IKZF2: variants seen among roughly 807,000 people sequenced by gnomAD.
The protein encoded by IKZF2 is zinc finger protein Helios.
In IKZF2, 15 loss-of-function variants were observed where a neutral mutation model predicts 49.2. That is an observed-to-expected ratio of 0.30 (90% confidence interval 0.20 to 0.47). The LOEUF is 0.47. Ranked by LOEUF, IKZF2 falls within the 20% of genes least tolerant of loss-of-function variation. The pLI, the probability that IKZF2 is intolerant of heterozygous loss-of-function variation, is 1.00. For synonymous variants in IKZF2, 227 were observed against 221.4 expected, an observed-to-expected ratio of 1.03 and a Z score of -0.23; for missense variants, 567 against 664.6, an observed-to-expected ratio of 0.85 and a Z score of 1.61.
chr2:213,138,261 C>G (rs2060747093), intron 4 of IKZF2, among the ~76,000 whole-genome samples: 1 of 151,998 alleles, frequency 6.6e-6, no homozygotes, highest in Non-Finnish European at 1.5e-5. Context: ...ATGGAAACAT[C>G]TACATTAACA....
chr2:213,063,762 G>A (rs545697526), intron 4 of IKZF2, among the ~76,000 whole-genome samples: 4 of 151,952 alleles, frequency 2.6e-5, no homozygotes, highest in South Asian at 2.1e-4. Flanking sequence ...CTTTTGACTC[G>A]TAGCCTATCC....
chr2:213,100,918 C>G (rs73077277), intron 4 of IKZF2, among the ~76,000 whole-genome samples: 1,703 of 151,946 alleles, frequency 0.011, 32 homozygotes, highest in African/African-American at 0.039. Flanking sequence ...TTTTCTAGTG[C>G]TTTATGATTT....
chr2:213,007,192 T>C lies in IKZF2; in HGVS notation c.*168A>G. ...TCTTCTGTTTCTTCCTTATCGTAAT[T>C]AGGCAGAGCAAATGACACTGCCTCC... On this transcript the variant is annotated 3_prime_UTR_variant, in exon 9 of 9. Coordinates refer to ENST00000434687, the MANE Select transcript of IKZF2 (RefSeq NM_001387220.1). 1.5e-6 allele frequency: 1 copy of C among 671,118 alleles called. No individual in the cohort carries two copies. The highest frequency in any genetic ancestry group is 2.4e-6 in the Non-Finnish European group (1 of 416,800). 41.6% of individuals were successfully genotyped at this position (671,118 alleles called of 1,614,324 possible).
At chr2:213,101,717 T>C (rs1434085829) in intron 4 of IKZF2, among the ~76,000 whole-genome samples, 1 of 152,190 alleles carries the variant, frequency 6.6e-6, no homozygotes, top group Admixed American at 6.6e-5. Flanking sequence ...CTTAAGAGTA[T>C]TTTTAATCAG....
intron 6 of IKZF2, among the ~76,000 whole-genome samples, chr2:213,034,844 G>C (rs1474039359): frequency 6.6e-6 from 1 of 152,114 alleles, no homozygotes; most frequent in Admixed American, 6.5e-5. Context: ...CTTTCAATTT[G>C]TAAAAAACGC....
At chr2:213,043,746 T>A (rs1397157646) in intron 6 of IKZF2, among the ~76,000 whole-genome samples, 1 of 152,112 alleles carries the variant, frequency 6.6e-6, no homozygotes, top group Non-Finnish European at 1.5e-5. Context: ...CCTATGAGAA[T>A]CTAATGCTGT....
chr2:213,054,882 A>G (rs943672805), intron 5 of IKZF2, among the ~76,000 whole-genome samples: 1 of 152,134 alleles, frequency 6.6e-6, no homozygotes, highest in African/African-American at 2.4e-5. Context: ...CAACTCTACC[A>G]CACTAGTAAA....
chr2:213,094,493 C>T (rs1272698226), intron 4 of IKZF2, among the ~76,000 whole-genome samples: 1 of 152,076 alleles, frequency 6.6e-6, no homozygotes, highest in Admixed American at 6.6e-5. Context: ...AGGGTACCAT[C>T]TTTCCTGGAA....
intron 4 of IKZF2, among the ~76,000 whole-genome samples, chr2:213,063,655 A>T (rs1701909101): frequency 6.6e-6 from 1 of 152,050 alleles, no homozygotes; most frequent in Non-Finnish European, 1.5e-5. Context: ...ACTGCATTGT[A>T]GGAAGGGTAG....
At chr2:213,033,684 A>G (rs1409988226) in intron 6 of IKZF2, among the ~76,000 whole-genome samples, 2 of 152,222 alleles carry the variant, frequency 1.3e-5, no homozygotes, top group African/African-American at 4.8e-5. Context: ...ACTAAACCAT[A>G]TTGTAAACAA....
chr2:213,035,314 C>G (rs575547878), intron 6 of IKZF2, among the ~76,000 whole-genome samples: 2 of 151,830 alleles, frequency 1.3e-5, no homozygotes, highest in Non-Finnish European at 2.9e-5. Flanking sequence ...TTAACTGATT[C>G]TTGCCCGTCT....
At chr2:213,045,176 A>G (rs557236949) in intron 6 of IKZF2, among the ~76,000 whole-genome samples, 1 of 152,320 alleles carries the variant, frequency 6.6e-6, no homozygotes, top group Non-Finnish European at 1.5e-5. Context: ...TGAAACCATC[A>G]GAAAACTGAA....
Position 213,007,761 on chromosome 2 carries a change from G to T in IKZF2, c.1180C>A (p.Gln394Lys). Residue 394 changes from glutamine to lysine, a missense_variant, in exon 9 of 9, where the codon CAG becomes AAG. Around this residue, in one of 5 missense-constraint regions of IKZF2, gnomAD observed 310 missense variants for 326.9 expected, o/e 0.95. Transcript: ENST00000434687. ...ISLIRPKSRP[Q>K]EREASPSNSC... Reference sequence around the variant, plus strand: ...TTGCTGGGAGAGGCCTCTCTTTCCTGGGGTCGACTCTTTGGTCTGATGAGA... The same window carrying T: ...TTGCTGGGAGAGGCCTCTCTTTCCTTGGGTCGACTCTTTGGTCTGATGAGA... 1 of 1,613,638 alleles carries T rather than the reference G, an allele frequency of 6.2e-7. No homozygotes were observed. The highest frequency in any genetic ancestry group is 8.5e-7 in the Non-Finnish European group (1 of 1,179,750).
At chr2:213,152,311 C>T (rs1405752691), upstream of IKZF2, 2 of 152,266 alleles carry the variant, frequency 1.3e-5, no homozygotes, top group Non-Finnish European at 2.9e-5. Context: ...AGCCTCCCAC[C>T]TACTGGTCTC....
chr2:213,124,062 G>A (rs947169781), intron 4 of IKZF2, among the ~76,000 whole-genome samples: 35 of 152,108 alleles, frequency 2.3e-4, no homozygotes, highest in African/African-American at 5.6e-4. Context: ...AGCACTTGAA[G>A]CAGTCAAGCA....
At chr2:213,018,887 C>A (rs1696893659) in intron 7 of IKZF2, among the ~76,000 whole-genome samples, 1 of 152,146 alleles carries the variant, frequency 6.6e-6, no homozygotes, top group African/African-American at 2.4e-5. Flanking sequence ...ATGTAAGAAG[C>A]CTCTCTTGAC....
intron 2 of IKZF2, 140 bp from the exon 3 acceptor site, chr2:213,148,784 T>C: frequency 3.3e-6 from 2 of 610,392 alleles, no homozygotes; most frequent in South Asian, 2.2e-5. Context: ...CAGTGTACTG[T>C]ATGTGCTCAT....
chr2:213,149,776 T>A (rs1309979130), intron 2 of IKZF2, among the ~76,000 whole-genome samples: 3 of 120,238 alleles, frequency 2.5e-5, no homozygotes, highest in African/African-American at 1.1e-4. Context: ...CACACTCCCT[T>A]ACCCCCCCCC....
In IKZF2 at chr2:213,041,345, G is replaced by GT. The variant is rs200117059; in HGVS notation, c.574+8367_574+8368insA. Among the ~76,000 whole-genome samples the GT allele has an allele frequency of 2.4e-3, 364 of 150,684 alleles. 2 individuals are homozygous for GT. The highest frequency in any genetic ancestry group is 5.6e-3 in the Admixed American group (85 of 15,180). On this transcript the variant is annotated intron_variant, in intron 6 of 8. Transcript: ENST00000434687. ...CTTGACTGTAATCTTTTTTTGGGGG[G>GT]GGTGGGAGGATGGAGTTTCGCTCTG...
Sources: allele counts gnomAD v4.1 joint callset (sites outside exome capture counted in the v4.1 genomes callset), GRCh38; gene constraint gnomAD v4.1.1; regional missense constraint gnomAD v4.1.1; transcripts MANE v1.5; gene names NCBI Gene and HGNC (gene_info 2026-07-23, HGNC 2026-07-21).